SYNE2: variants seen among roughly 807,000 people sequenced by gnomAD.
SYNE2 encodes the protein spectrin repeat containing nuclear envelope protein 2, also known as nesprin-2.
In SYNE2, 431 loss-of-function variants were observed where a neutral mutation model predicts 856.3. The ratio of observed to expected loss-of-function variants is 0.50; its 90% CI spans 0.47 to 0.55. SYNE2 has a LOEUF of 0.55. Among genes scored for constraint, SYNE2 ranks in the 20% least tolerant of loss-of-function variants. The pLI is 0.00. For synonymous variants in SYNE2, 2,923 were observed against 2,872.3 expected, an observed-to-expected ratio of 1.02 and a Z score of -0.56; for missense variants, 8,129 against 8,023.2, an observed-to-expected ratio of 1.01 and a Z score of -0.50.
chr14:64,112,752 C>T (rs1443089704), intron 65 of SYNE2, among the ~76,000 whole-genome samples: 1 of 152,146 alleles, frequency 6.6e-6, no homozygotes, highest in East Asian at 1.9e-4. Context: ...CACTGAAGTT[C>T]ATTACTTGAC....
chr14:63,995,076 A>C lies in SYNE2; in HGVS notation c.2814A>C (p.Gln938His), dbSNP rs776462286. 1 of 1,569,538 alleles carries C rather than the reference A, an allele frequency of 6.4e-7. No individual in the cohort carries two copies. Among genetic ancestry groups the C allele is most frequent in the Admixed American group, 1.7e-5 (1 of 57,682 alleles). ...ATCATGAACTGTCTTTATATGTTCA[A>C]CAACTAAAAATAGATATTGAAAAAG... Reference protein sequence around the residue: ...SLHHELSLYVQQLKIDIEKGK... With the variant: ...SLHHELSLYVHQLKIDIEKGK... Residue 938 changes from glutamine to histidine, a missense_variant, in exon 23 of 116, where the codon CAA becomes CAC. By Grantham distance (24) the Gln-to-His change is conservative (BLOSUM62 0). Around this residue, in one of 3 missense-constraint regions of SYNE2, gnomAD observed 2,422 missense variants for 2,357.4 expected, o/e 1.03. Transcript: ENST00000555002.
rs138437515 is a variant in SYNE2 at position 64,223,336 on chromosome 14, C to A, written c.20338C>A (p.Arg6780=). 6.8e-5 allele frequency: 109 copies of A among 1,614,008 alleles called. No individual in the cohort carries two copies. The highest frequency in any genetic ancestry group is 1.8e-4 in the East Asian group (8 of 44,894). ...TATTGAGAAGAAACTCAAACAGTTA[C>A]GGGAGCAAGTGTCCCAAGATTTAAT... ...HVIEKKLKQL[R]EQVSQDLMAL... The change falls in exon 113 of 116, where the codon CGG becomes AGG. Residue 6780 remains arginine (R), a synonymous_variant. Coordinates refer to ENST00000555002, the MANE Select transcript of SYNE2 (RefSeq NM_182914.3).
intron 96 of SYNE2, among the ~76,000 whole-genome samples, chr14:64,179,210 C>A (rs930969235): frequency 2.0e-5 from 3 of 152,174 alleles, no homozygotes; most frequent in Admixed American, 2.0e-4. Flanking sequence ...AATCTTGGCT[C>A]ACTGTAACCT....
Position 63,978,770 on chromosome 14 carries a change from A to T in SYNE2, c.1407-82A>T, listed in dbSNP as rs2096564090. On this transcript the variant is annotated intron_variant, in intron 13 of 115. Transcript: ENST00000555002. Reference sequence around the variant, plus strand: ...CTTAAAAGAAAAAGTTAAAGCCTCAATATTTTTTAAAATGCTGAACAGATT... The same window carrying T: ...CTTAAAAGAAAAAGTTAAAGCCTCATTATTTTTTAAAATGCTGAACAGATT... 3 of 1,235,758 alleles carry T rather than the reference A, an allele frequency of 2.4e-6. No individual in the cohort carries two copies. The South Asian group carries it at 4.0e-5, about 16-fold the overall frequency. The allele number at this position is 1,235,758 out of a possible 1,614,324, so 76.5% of individuals were successfully genotyped here.
intron 6 of SYNE2, among the ~76,000 whole-genome samples, chr14:63,948,675 T>C: frequency 7.7e-6 from 1 of 130,642 alleles, no homozygotes; most frequent in South Asian, 2.4e-4. Flanking sequence ...AAAAAAAAAT[T>C]ATATATATAT....
At chr14:63,833,765 GCTAA>G (rs1889751171) in intron 1 of SYNE2, among the ~76,000 whole-genome samples, 2 of 152,102 alleles carry the variant, frequency 1.3e-5, no homozygotes, top group Admixed American at 1.3e-4. Flanking sequence ...GCAATATCAT[GCTAA>G]CTGTGCGATT....
chr14:64,079,653 A>G (rs1295378841), intron 55 of SYNE2, among the ~76,000 whole-genome samples: 5 of 152,310 alleles, frequency 3.3e-5, no homozygotes. Context: ...CTCCTAATAC[A>G]TGTTTCTAGA....
intron 87 of SYNE2, 81 bp downstream of exon 87, chr14:64,159,523 A>C: frequency 1.3e-6 from 2 of 1,526,662 alleles, no homozygotes; most frequent in Non-Finnish European, 1.8e-6. Flanking sequence ...AGGCATTGTA[A>C]AGTCTTCTTC....
chr14:64,157,099 A>G (rs1360244968), intron 85 of SYNE2, among the ~76,000 whole-genome samples: 1 of 152,250 alleles, frequency 6.6e-6, no homozygotes. Context: ...AAATTGAGAT[A>G]TAATTCACAT....
chr14:64,199,782 G>T (rs1301072517), intron 99 of SYNE2, among the ~76,000 whole-genome samples: 3 of 151,674 alleles, frequency 2.0e-5, no homozygotes, highest in Non-Finnish European at 4.4e-5. Context: ...AGCACATGTG[G>T]CCATCAGCGT....
Position 64,122,330 on chromosome 14 carries a change from T to C in SYNE2, c.13325T>C (p.Leu4442Ser). Reference sequence around the variant, plus strand: ...GAAAATGACGTTCCAGACTCGATCTTGTCACCCCAGGGCCAAAATGGAGAT... The same window carrying C: ...GAAAATGACGTTCCAGACTCGATCTCGTCACCCCAGGGCCAAAATGGAGAT... ...SPENDVPDSI[L>S]SPQGQNGDKW... Residue 4442 changes from leucine to serine, a missense_variant, in exon 70 of 116, where the codon TTG becomes TCG. By Grantham distance (145) the Leu-to-Ser change is moderately radical. This residue lies in a region of SYNE2 where 5,410 missense variants were observed against 5,284.8 expected (regional missense o/e 1.02). Transcript: ENST00000555002. The C allele has an allele frequency of 1.2e-6, 2 of 1,614,200 alleles. No homozygotes were observed. Among genetic ancestry groups the C allele is most frequent in the Non-Finnish European group, 1.7e-6 (2 of 1,180,040 alleles).
intron 108 of SYNE2, among the ~76,000 whole-genome samples, chr14:64,217,809 G>A (rs907944622): frequency 3.3e-5 from 5 of 152,148 alleles, no homozygotes; most frequent in African/African-American, 4.8e-5. Flanking sequence ...AAGAAAGCAG[G>A]GCTTTTCTAA....
chr14:64,187,645 A>G (rs2098498959), intron 97 of SYNE2, among the ~76,000 whole-genome samples: 1 of 152,174 alleles, frequency 6.6e-6, no homozygotes, highest in South Asian at 2.1e-4. Context: ...TTCTCCTCCG[A>G]AAAGAGCAGA....
chr14:63,928,286 G>A (rs2095697456), intron 2 of SYNE2, among the ~76,000 whole-genome samples: 2 of 152,180 alleles, frequency 1.3e-5, no homozygotes, highest in Admixed American at 1.3e-4. Context: ...TGCTGAAGTT[G>A]ACAGGCACGT....
chr14:63,775,387 C>T (rs1160979956), intron 1 of SYNE2, among the ~76,000 whole-genome samples: 1 of 151,778 alleles, frequency 6.6e-6, no homozygotes, highest in African/African-American at 2.4e-5. Flanking sequence ...TGATTCTCCT[C>T]CCTCAGCCTC....
At chr14:63,805,727 C>T (rs756591675) in intron 1 of SYNE2, among the ~76,000 whole-genome samples, 37 of 151,990 alleles carry the variant, frequency 2.4e-4, no homozygotes, top group Admixed American at 1.6e-3. Context: ...GTATTTTGTA[C>T]GTGTGTGTGT....
rs1365016677 is a variant in SYNE2 at position 64,078,597 on chromosome 14, A to C, written c.11154A>C (p.Glu3718Asp). 6.2e-7 allele frequency: 1 copy of C among 1,614,018 alleles called. No homozygotes were observed. The highest frequency in any genetic ancestry group is 8.5e-7 in the Non-Finnish European group (1 of 1,179,944). The part of the protein sequence containing the change: ...QKSKNIEKAQ[E>D]IQKKMWDELD... The stretch of plus-strand genomic sequence containing the variant: ...GCAAAAATATTGAGAAAGCTCAAGA[A>C]ATTCAAAAGGTAAAATCCTCCTTTA... Residue 3718 changes from glutamate to aspartate, a missense_variant, in exon 55 of 116, where the codon GAA becomes GAC. By Grantham distance (45) the Glu-to-Asp change is conservative (BLOSUM62 2). Coordinates refer to ENST00000555002, the MANE Select transcript of SYNE2 (RefSeq NM_182914.3).
intron 99 of SYNE2, among the ~76,000 whole-genome samples, chr14:64,192,113 C>G (rs548146003): frequency 1.3e-5 from 2 of 152,254 alleles, no homozygotes; most frequent in South Asian, 4.1e-4. Flanking sequence ...TTGGTTATGT[C>G]TAGTGATGAG....
rs937662346 is a variant in SYNE2, at chr14:64,098,017, C to T, written c.12177C>T (p.Asp4059=). 2.5e-6 allele frequency: 4 copies of T among 1,614,034 alleles called. No homozygotes were observed. The highest frequency in any genetic ancestry group is 1.7e-5 in the Admixed American group (1 of 59,998). ...AGAGAAAAGAAGACCTGTTGGTGGA[C>T]TTGAAGGCCACCGTACTAAACCTTC... ...LNQRKEDLLV[D]LKATVLNLHQ... The change falls in exon 62 of 116, where the codon GAC becomes GAT. Residue 4059 remains aspartate (D), a synonymous_variant. Transcript: ENST00000555002.
Sources: allele counts gnomAD v4.1 joint callset (sites outside exome capture counted in the v4.1 genomes callset), GRCh38; gene constraint gnomAD v4.1.1; regional missense constraint gnomAD v4.1.1; transcripts MANE v1.5; gene names NCBI Gene and HGNC (gene_info 2026-07-23, HGNC 2026-07-21).